The following TMTC2 variants were observed in gnomAD, a reference collection of about 807,000 sequenced individuals.
TMTC2 encodes transmembrane O-mannosyltransferase targeting cadherins 2.
A neutral mutation model predicts 82.4 loss-of-function variants in TMTC2; 43 were observed. That is an observed-to-expected ratio of 0.52 (90% CI 0.41 to 0.67). The LOEUF is 0.67. Among genes scored for constraint, TMTC2 ranks in the 30% least tolerant of loss-of-function variants. The pLI is 0.00. For missense variants in TMTC2, 919 were observed against 1,012.4 expected, an observed-to-expected ratio of 0.91 and a Z score of 1.25; for synonymous variants, 408 against 381.9, an observed-to-expected ratio of 1.07 and a Z score of -0.80.
At chr12:82,732,317 G>A (rs1383038750) in intron 1 of TMTC2, among the ~76,000 whole-genome samples, 4 of 151,782 alleles carry the variant, frequency 2.6e-5, no homozygotes. Flanking sequence ...TGAAGAATAG[G>A]ATAACCTTTT....
intron 11 of TMTC2, among the ~76,000 whole-genome samples, chr12:83,088,014 C>A (rs1883719261): frequency 6.6e-6 from 1 of 152,196 alleles, no homozygotes; most frequent in South Asian, 2.1e-4. Context: ...TTCATTTACA[C>A]AGAAAATTTG....
intron 8 of TMTC2, among the ~76,000 whole-genome samples, chr12:82,991,959 A>C (rs1483292688): frequency 1.3e-5 from 2 of 152,250 alleles, no homozygotes; most frequent in Non-Finnish European, 2.9e-5. Context: ...AGTAAAAGTT[A>C]CTTGGCTGTT....
chr12:82,916,275 C>T (rs980953396), intron 3 of TMTC2, among the ~76,000 whole-genome samples: 19 of 152,118 alleles, frequency 1.2e-4, no homozygotes, highest in Non-Finnish European at 5.9e-5. Flanking sequence ...TGAGGAGAGC[C>T]TCAAGGCTTG....
At chr12:82,831,543 G>A (rs1308167377) in intron 1 of TMTC2, among the ~76,000 whole-genome samples, 1 of 152,086 alleles carries the variant, frequency 6.6e-6, no homozygotes, top group Admixed American at 6.6e-5. Context: ...AAGGGGAATG[G>A]GATTGCCATG....
intron 1 of TMTC2, among the ~76,000 whole-genome samples, chr12:82,802,772 A>G (rs544672124): frequency 1.3e-5 from 2 of 152,222 alleles, no homozygotes; most frequent in African/African-American, 4.8e-5. Context: ...AAGGTTGATG[A>G]TAGCACGCTA....
intron 11 of TMTC2, among the ~76,000 whole-genome samples, chr12:83,130,981 G>A (rs994436628): frequency 2.6e-5 from 4 of 152,106 alleles, no homozygotes; most frequent in African/African-American, 9.7e-5. Flanking sequence ...CTGTAGCATT[G>A]CTTTTGGTTC....
At chr12:82,883,986 C>T (rs1298484549) in intron 2 of TMTC2, among the ~76,000 whole-genome samples, 1 of 152,086 alleles carries the variant, frequency 6.6e-6, no homozygotes, top group African/African-American at 2.4e-5. Flanking sequence ...TTGACCATAG[C>T]GCACTGCCTG....
intron 1 of TMTC2, among the ~76,000 whole-genome samples, chr12:82,747,009 G>A (rs150422028): frequency 6.6e-6 from 1 of 152,330 alleles, no homozygotes; most frequent in East Asian, 1.9e-4. Context: ...TAAGAGCCCA[G>A]TCTGGCCATT....
chr12:82,784,734 A>G (rs1258661042), intron 1 of TMTC2, among the ~76,000 whole-genome samples: 2 of 152,094 alleles, frequency 1.3e-5, no homozygotes, highest in South Asian at 2.1e-4. Context: ...TCCATGCTTC[A>G]TTTTTGTATT....
At chr12:83,106,816 T>C (rs1884419518) in intron 11 of TMTC2, among the ~76,000 whole-genome samples, 1 of 152,150 alleles carries the variant, frequency 6.6e-6, no homozygotes, top group South Asian at 2.1e-4. Flanking sequence ...GATGGTGAAA[T>C]AAGAACTTTT....
At chr12:83,075,874 T>C (rs2137495996) in intron 11 of TMTC2, among the ~76,000 whole-genome samples, 1 of 152,358 alleles carries the variant, frequency 6.6e-6, no homozygotes, top group South Asian at 2.1e-4. Flanking sequence ...GTCTAGCTTG[T>C]GGTGCATTGA....
chr12:82,759,959 A>G (rs1876520323), intron 1 of TMTC2: 1 of 152,212 alleles, frequency 6.6e-6, no homozygotes, highest in African/African-American at 2.4e-5. Context: ...TTACCTCGAT[A>G]GCCTGATTTT....
intron 1 of TMTC2, among the ~76,000 whole-genome samples, chr12:82,723,085 T>C (rs1258596443): frequency 6.6e-6 from 1 of 152,226 alleles, no homozygotes; most frequent in Non-Finnish European, 1.5e-5. Context: ...CACTCATTAG[T>C]TACATTTATG....
At chr12:82,765,104 G>A (rs1876876731) in intron 1 of TMTC2, among the ~76,000 whole-genome samples, 1 of 152,118 alleles carries the variant, frequency 6.6e-6, no homozygotes, top group African/African-American at 2.4e-5. Context: ...GGGGAGGCAT[G>A]TAGCTTTTAA....
chr12:83,077,606 A>G (rs1883324488), intron 11 of TMTC2, among the ~76,000 whole-genome samples: 1 of 151,298 alleles, frequency 6.6e-6, no homozygotes, highest in Non-Finnish European at 1.5e-5. Context: ...ACAGAGTCTC[A>G]CTCTGTTGCC....
At chr12:82,697,172 C>T (rs1872846738) in intron 1 of TMTC2, among the ~76,000 whole-genome samples, 3 of 151,100 alleles carry the variant, frequency 2.0e-5, no homozygotes, top group Admixed American at 1.3e-4. Context: ...GGTGAAACCC[C>T]GTCTCTACTA....
chr12:82,733,346 GATAA>G (rs1345835891), intron 1 of TMTC2, among the ~76,000 whole-genome samples: 5 of 152,200 alleles, frequency 3.3e-5, no homozygotes, highest in Admixed American at 3.3e-4. Context: ...CAGGTATTGT[GATAA>G]ATGTTTGGGA....
chr12:83,025,764 C>T (rs1881142408), intron 8 of TMTC2, among the ~76,000 whole-genome samples: 1 of 152,132 alleles, frequency 6.6e-6, no homozygotes, highest in South Asian at 2.1e-4. Context: ...GTCCAGTTTG[C>T]TAGTGTAACT....
chr12:82,981,884 G>C (rs1360934789), intron 7 of TMTC2, among the ~76,000 whole-genome samples: 1 of 151,652 alleles, frequency 6.6e-6, no homozygotes, highest in Admixed American at 6.6e-5. Flanking sequence ...TGCACTGATG[G>C]TACTTTTTCC....
Sources: allele counts gnomAD v4.1 joint callset (sites outside exome capture counted in the v4.1 genomes callset), GRCh38; gene constraint gnomAD v4.1.1; transcripts MANE v1.5; gene names NCBI Gene and HGNC (gene_info 2026-07-23, HGNC 2026-07-21).